DCC: variants seen among roughly 807,000 people sequenced by gnomAD.
The protein encoded by DCC is DCC netrin 1 receptor.
Under a neutral mutation model 172.5 loss-of-function variants are expected in DCC, and 58 were observed. That is an observed-to-expected ratio of 0.34 (90% CI 0.27 to 0.42). The LOEUF is 0.42. DCC is among the 10% of genes least tolerant of loss of function. The pLI, the probability that DCC is intolerant of heterozygous loss-of-function variation, is 1.00. For synonymous variants in DCC, 709 were observed against 644.5 expected (o/e 1.10, Z -1.52); for missense variants, 1,740 against 1,791.0 (o/e 0.97, Z 0.51).
chr18:52,636,469 G>A (rs567619647), intron 1 of DCC, among the ~76,000 whole-genome samples: 96 of 152,252 alleles, frequency 6.3e-4, no homozygotes, highest in South Asian at 1.5e-3. Context: ...CTCTGCCTGG[G>A]AAAGGTCTGG....
chr18:53,371,573 T>A (rs2058060505), intron 15 of DCC, among the ~76,000 whole-genome samples: 1 of 151,900 alleles, frequency 6.6e-6, no homozygotes. Context: ...AGAATAGGCA[T>A]CAGAGATAAA....
intron 1 of DCC, among the ~76,000 whole-genome samples, chr18:52,377,570 C>T (rs1302317031): frequency 6.6e-6 from 1 of 151,662 alleles, no homozygotes; most frequent in Non-Finnish European, 1.5e-5. Context: ...ATCTGACTTA[C>T]GTATTTATCT....
intron 20 of DCC, among the ~76,000 whole-genome samples, chr18:53,414,280 C>A (rs1910167799): frequency 6.6e-6 from 1 of 152,030 alleles, no homozygotes; most frequent in Non-Finnish European, 1.5e-5. Flanking sequence ...CAGCATAGTT[C>A]CTATAAATAA....
At chr18:52,572,286 G>T (rs940922572) in intron 1 of DCC, among the ~76,000 whole-genome samples, 1 of 152,128 alleles carries the variant, frequency 6.6e-6, no homozygotes, top group South Asian at 2.1e-4. Context: ...GGACACTGTG[G>T]GCTACAGAAT....
At chr18:52,766,660 C>T (rs1005327808) in intron 2 of DCC, among the ~76,000 whole-genome samples, 1 of 151,984 alleles carries the variant, frequency 6.6e-6, no homozygotes, top group Non-Finnish European at 1.5e-5. Context: ...AGTCAAGCCA[C>T]TTCTCTCCAA....
At chr18:52,898,263 C>T (rs575698335) in intron 2 of DCC, among the ~76,000 whole-genome samples, 36 of 152,214 alleles carry the variant, frequency 2.4e-4, no homozygotes, top group African/African-American at 8.7e-4. Context: ...TTAGACCTTC[C>T]ACAGGAGAAG....
At chr18:52,387,548 G>T (rs1985849623) in intron 1 of DCC, among the ~76,000 whole-genome samples, 1 of 149,604 alleles carries the variant, frequency 6.7e-6, no homozygotes, top group Non-Finnish European at 1.5e-5. Context: ...GCAAGGGAGG[G>T]CAAAGCCAGG....
chr18:52,944,864 A>G (rs891228240), intron 5 of DCC, among the ~76,000 whole-genome samples: 4 of 152,188 alleles, frequency 2.6e-5, no homozygotes, highest in African/African-American at 9.7e-5. Context: ...ATAAGTTGGT[A>G]TTTATGATAA....
intron 2 of DCC, among the ~76,000 whole-genome samples, chr18:52,902,074 A>C (rs2039818260): frequency 6.6e-6 from 1 of 152,170 alleles, no homozygotes; most frequent in Non-Finnish European, 1.5e-5. Context: ...GTTCCTTTTC[A>C]GAGGAAGTTC....
chr18:52,682,797 G>T (rs923904594), intron 1 of DCC, among the ~76,000 whole-genome samples: 2 of 152,068 alleles, frequency 1.3e-5, no homozygotes, highest in African/African-American at 4.8e-5. Flanking sequence ...TAGTTGGTAG[G>T]ATAAGGTGGT....
intron 1 of DCC, among the ~76,000 whole-genome samples, chr18:52,428,124 C>A (rs1987503660): frequency 6.6e-6 from 1 of 152,044 alleles, no homozygotes; most frequent in African/African-American, 2.4e-5. Context: ...TCTTCTCTCT[C>A]TGCAGCCCCT....
chr18:53,160,804 T>C (rs2054826824), intron 8 of DCC, among the ~76,000 whole-genome samples: 1 of 152,188 alleles, frequency 6.6e-6, no homozygotes, highest in African/African-American at 2.4e-5. Context: ...TTTCATGTAA[T>C]ATAAGAAGGG....
chr18:52,653,010 CT>C (rs772150504), intron 1 of DCC, among the ~76,000 whole-genome samples: 5 of 152,056 alleles, frequency 3.3e-5, no homozygotes, highest in Non-Finnish European at 5.9e-5. Context: ...CTAAAGCACA[CT>C]TTTTTCCCCA....
chr18:53,533,470 C>T lies in DCC; in HGVS notation c.*2817C>T, dbSNP rs2046543575. The T allele has an allele frequency of 6.6e-6, 1 of 152,100 alleles. No homozygotes were observed. The highest frequency in any genetic ancestry group is 1.5e-5 in the Non-Finnish European group (1 of 68,016). 9.4% of individuals were successfully genotyped at this position (152,100 alleles called of 1,614,324 possible). On this transcript the variant is annotated 3_prime_UTR_variant, in exon 29 of 29. Coordinates refer to ENST00000442544, the MANE Select transcript of DCC (RefSeq NM_005215.4). ...ATGTGCTTAAATGTCAGGCAACATC[C>T]TCTTTTTTTTAAAAAAAATGGTATT...
chr18:52,827,266 C>A (rs116813125), intron 2 of DCC, among the ~76,000 whole-genome samples: 1 of 152,160 alleles, frequency 6.6e-6, no homozygotes, highest in African/African-American at 2.4e-5. Flanking sequence ...AGGTTCCTAA[C>A]CCCAATTGAT....
intron 9 of DCC, among the ~76,000 whole-genome samples, chr18:53,189,650 AT>A (rs2055336764): frequency 6.6e-6 from 1 of 152,216 alleles, no homozygotes; most frequent in Non-Finnish European, 1.5e-5. Context: ...CATATTTGCT[AT>A]GCTCTTACCT....
chr18:52,884,562 CTT>C (rs2039541999), intron 2 of DCC, among the ~76,000 whole-genome samples: 1 of 152,048 alleles, frequency 6.6e-6, no homozygotes, highest in South Asian at 2.1e-4. Context: ...ATTTTAATCT[CTT>C]TGTGAAATTT....
intron 7 of DCC, among the ~76,000 whole-genome samples, chr18:53,087,114 C>A (rs1401032926): frequency 6.6e-6 from 1 of 151,930 alleles, no homozygotes; most frequent in Non-Finnish European, 1.5e-5. Flanking sequence ...TGGGTATATA[C>A]CCAGCAATGG....
chr18:53,268,933 A>G (rs2056714758), intron 12 of DCC, among the ~76,000 whole-genome samples: 1 of 152,184 alleles, frequency 6.6e-6, no homozygotes, highest in Non-Finnish European at 1.5e-5. Flanking sequence ...ATTGCTTTTT[A>G]TAGAGTGTAG....
Sources: allele counts gnomAD v4.1 joint callset (sites outside exome capture counted in the v4.1 genomes callset), GRCh38; gene constraint gnomAD v4.1.1; transcripts MANE v1.5; gene names NCBI Gene and HGNC (gene_info 2026-07-23, HGNC 2026-07-21).